CNTN5: variants seen among roughly 807,000 people sequenced by gnomAD.
CNTN5 encodes contactin 5, also known as contactin-5.
Under a neutral mutation model 129.1 loss-of-function variants are expected in CNTN5, and 77 were observed. The ratio of observed to expected loss-of-function variants is 0.60; its 90% CI spans 0.50 to 0.72. The LOEUF (loss-of-function observed/expected upper bound fraction) is 0.72. CNTN5 is among the 30% of genes least tolerant of loss of function. The pLI, the probability that CNTN5 is intolerant of heterozygous loss-of-function variation, is 0.00. For synonymous variants in CNTN5, 509 were observed against 465.6 expected (o/e 1.09, Z -1.20); for missense variants, 1,478 against 1,328.8 (o/e 1.11, Z -1.75).
intron 8 of CNTN5, among the ~76,000 whole-genome samples, chr11:99,998,826 G>A (rs1939642299): frequency 6.6e-6 from 1 of 151,150 alleles, no homozygotes; most frequent in South Asian, 2.1e-4. Flanking sequence ...CAATGGAACA[G>A]AACAGAGCCC....
chr11:100,156,315 C>T (rs1947239947), intron 13 of CNTN5, among the ~76,000 whole-genome samples: 1 of 152,036 alleles, frequency 6.6e-6, no homozygotes, highest in Non-Finnish European at 1.5e-5. Context: ...TATTGATTTG[C>T]ATATGTTGAA....
At chr11:99,211,562 G>C (rs959431626) in intron 1 of CNTN5, among the ~76,000 whole-genome samples, 1 of 150,828 alleles carries the variant, frequency 6.6e-6, no homozygotes, top group African/African-American at 2.4e-5. Context: ...TTCTGAAATA[G>C]CTTTTCTTAT....
chr11:99,080,459 C>G (rs1865746063), intron 1 of CNTN5, among the ~76,000 whole-genome samples: 1 of 152,148 alleles, frequency 6.6e-6, no homozygotes, highest in Non-Finnish European at 1.5e-5. Flanking sequence ...CTCAGGTTAA[C>G]TCTTTTAAAG....
chr11:100,128,147 T>A (rs1946256591), intron 13 of CNTN5, among the ~76,000 whole-genome samples: 1 of 152,224 alleles, frequency 6.6e-6, no homozygotes, highest in African/African-American at 2.4e-5. Context: ...AATTGCCTAC[T>A]GAACATCTCC....
At chr11:99,644,098 T>G (rs914656557) in intron 3 of CNTN5, among the ~76,000 whole-genome samples, 1 of 152,208 alleles carries the variant, frequency 6.6e-6, no homozygotes, top group Admixed American at 6.5e-5. Context: ...CACCTTCATG[T>G]GTTAGCCTCT....
At chr11:99,763,267 C>A (rs1218056369) in intron 3 of CNTN5, among the ~76,000 whole-genome samples, 1 of 151,936 alleles carries the variant, frequency 6.6e-6, no homozygotes. Context: ...TCAAAGAAAA[C>A]ACACTGTAGT....
At chr11:99,700,306 A>G (rs1245490539) in intron 3 of CNTN5, among the ~76,000 whole-genome samples, 1 of 151,436 alleles carries the variant, frequency 6.6e-6, no homozygotes, top group Admixed American at 6.6e-5. Flanking sequence ...CTATGATCAC[A>G]CAACTTGATA....
chr11:99,322,044 A>G (rs1161413513), intron 1 of CNTN5, among the ~76,000 whole-genome samples: 2 of 152,126 alleles, frequency 1.3e-5, no homozygotes, highest in African/African-American at 2.4e-5. Context: ...TTGTATGTCT[A>G]TTCCCCAGAT....
chr11:99,240,491 A>C (rs2135755612), intron 1 of CNTN5, among the ~76,000 whole-genome samples: 1 of 152,280 alleles, frequency 6.6e-6, no homozygotes, highest in Admixed American at 6.5e-5. Context: ...GAAAGCTTTC[A>C]GGGCTATCTC....
chr11:99,267,920 G>GCACGCA (rs1555095752), intron 1 of CNTN5, among the ~76,000 whole-genome samples: 3 of 140,432 alleles, frequency 2.1e-5, no homozygotes, highest in African/African-American at 5.2e-5. Context: ...ACACACACAC[G>GCACGCA]CACACACACA....
At chr11:99,185,370 G>A (rs2135576263) in intron 1 of CNTN5, among the ~76,000 whole-genome samples, 1 of 151,862 alleles carries the variant, frequency 6.6e-6, no homozygotes, top group African/African-American at 2.4e-5. Context: ...AATTAAACTT[G>A]TAAATGATAG....
Position 99,813,770 on chromosome 11 carries a change from A to G in CNTN5, c.56-5774A>G, listed in dbSNP as rs186774625. ...GGTATCTTGGAATTACATAAAGACA[A>G]TATTCAAAGGAAAAAGAAATAACTG... On this transcript the variant is annotated intron_variant, in intron 3 of 24. Coordinates refer to ENST00000524871, the MANE Select transcript of CNTN5 (RefSeq NM_014361.4). Among the ~76,000 whole-genome samples the G allele has an allele frequency of 4.7e-4, 72 of 152,282 alleles. No individual in the cohort carries two copies. The South Asian group carries it at 9.1e-3, about 19-fold the overall frequency.
chr11:99,183,689 G>T (rs1858198012), intron 1 of CNTN5, among the ~76,000 whole-genome samples: 1 of 151,852 alleles, frequency 6.6e-6, no homozygotes, highest in African/African-American at 2.4e-5. Flanking sequence ...ATTTGCTCAG[G>T]TAATCTCATT....
intron 1 of CNTN5, among the ~76,000 whole-genome samples, chr11:99,094,600 T>A (rs1029979452): frequency 1.3e-5 from 2 of 151,874 alleles, no homozygotes; most frequent in East Asian, 3.9e-4. Context: ...AAGACAGCCA[T>A]GTCAGGAAAA....
Position 99,762,112 on chromosome 11 carries a change from G to C in CNTN5, c.56-57432G>C, listed in dbSNP as rs59069469. Reference sequence around the variant, plus strand: ...CCTTCACCCACTTTTTGATGGGGTTGTTTGTTTTTTTCTTGTAAATTTGTT... The same window carrying C: ...CCTTCACCCACTTTTTGATGGGGTTCTTTGTTTTTTTCTTGTAAATTTGTT... On this transcript the variant is annotated intron_variant, in intron 3 of 24. Transcript: ENST00000524871. 9.4e-3 allele frequency among the ~76,000 whole-genome samples: 872 copies of C among 92,384 alleles called. 21 individuals carry two copies. Among genetic ancestry groups the C allele is most frequent in the African/African-American group, 0.03 (817 of 26,942 alleles). The allele number at this position is 92,384 out of a possible 152,430, so 60.6% of individuals were successfully genotyped here.
At chr11:99,686,623 C>T (rs1953806350) in intron 3 of CNTN5, among the ~76,000 whole-genome samples, 1 of 152,006 alleles carries the variant, frequency 6.6e-6, no homozygotes, top group Non-Finnish European at 1.5e-5. Context: ...CACTGTAATG[C>T]ATATAAGCTT....
intron 8 of CNTN5, among the ~76,000 whole-genome samples, chr11:99,981,077 G>GATATATAT (rs372749441): frequency 0.012 from 673 of 57,328 alleles, 12 homozygotes; most frequent in African/African-American, 0.024. Flanking sequence ...GAGCCAATAG[G>GATATATAT]ATATATATAT....
At chr11:99,177,914 T>A (rs561163373) in intron 1 of CNTN5, among the ~76,000 whole-genome samples, 15 of 152,156 alleles carry the variant, frequency 9.9e-5, no homozygotes, top group African/African-American at 1.4e-4. Flanking sequence ...AGACTAAGAT[T>A]AACATCAAAA....
chr11:99,446,266 G>T (rs1944067689), intron 2 of CNTN5, among the ~76,000 whole-genome samples: 1 of 151,826 alleles, frequency 6.6e-6, no homozygotes, highest in Admixed American at 6.6e-5. Flanking sequence ...TTGAAGCCTT[G>T]GTGCACATTA....
Sources: gnomAD v4.1 joint callset for allele counts (sites outside exome capture counted in the v4.1 genomes callset) on GRCh38, gnomAD v4.1.1 for gene constraint, MANE v1.5 for transcripts, NCBI Gene and HGNC (gene_info 2026-07-23, HGNC 2026-07-21) for gene names.